The following NAV2 variants were observed in gnomAD, a reference collection of about 807,000 sequenced individuals.
The protein encoded by NAV2 is neuron navigator 2, also known as helicase, APC down-regulated 1.
NAV2 carries 54 observed loss-of-function variants against 223.2 expected under a neutral mutation model. The observed-to-expected ratio is 0.24, with a 90% CI of 0.19 to 0.30. The LOEUF (loss-of-function observed/expected upper bound fraction) is 0.30, where lower values mean the gene tolerates loss of function less well. Ranked by LOEUF, NAV2 falls within the 10% of genes least tolerant of loss-of-function variation. The probability of loss-of-function intolerance (pLI) is 1.00; values close to 1 mark genes in which losing one functional copy is unlikely to be tolerated. For synonymous variants in NAV2, 1,279 were observed against 1,239.3 expected (o/e 1.03, Z -0.67); for missense variants, 2,806 against 3,147.5 (o/e 0.89, Z 2.60).
At chr11:19,513,278 G>A (rs1000798854) in intron 1 of NAV2, among the ~76,000 whole-genome samples, 8 of 152,204 alleles carry the variant, frequency 5.3e-5, no homozygotes, top group African/African-American at 1.9e-4. Context: ...AAAAAGTTGA[G>A]ACCCACAGGT....
intron 4 of NAV2, among the ~76,000 whole-genome samples, chr11:19,871,202 CCAGGATATATAACTCTGTAGT>C (rs1375401595): frequency 6.6e-5 from 10 of 152,138 alleles, no homozygotes; most frequent in Admixed American, 5.9e-4. Context: ...GATATTTTGG[CCAGGATATATAACTCTGTAGT>C]CATCTTCAAG....
At chr11:19,785,441 A>G (rs962304600) in intron 1 of NAV2, among the ~76,000 whole-genome samples, 1 of 152,208 alleles carries the variant, frequency 6.6e-6, no homozygotes, top group African/African-American at 2.4e-5. Flanking sequence ...ATCTCCCATT[A>G]CCTGGTACTT....
intron 10 of NAV2, among the ~76,000 whole-genome samples, chr11:19,957,560 A>C (rs4757867): frequency 0.99 from 150,980 of 152,346 alleles, 74,830 homozygotes; most frequent in Middle Eastern, 1. Context: ...GGGGCAGCAT[A>C]AACTGAACAC....
At chr11:19,413,777 T>A (rs549669773) in intron 1 of NAV2, among the ~76,000 whole-genome samples, 66 of 152,318 alleles carry the variant, frequency 4.3e-4, no homozygotes, top group African/African-American at 1.5e-3. Flanking sequence ...TATTCAATAT[T>A]TTTAAAGAAA....
At chr11:19,869,805 G>A (rs2062359808) in intron 4 of NAV2, among the ~76,000 whole-genome samples, 2 of 152,232 alleles carry the variant, frequency 1.3e-5, no homozygotes, top group South Asian at 2.1e-4. Context: ...AGGCCTGTTA[G>A]CATGGACTCT....
intron 20 of NAV2, among the ~76,000 whole-genome samples, chr11:20,064,361 C>T (rs1159132029): frequency 6.6e-6 from 1 of 152,128 alleles, no homozygotes; most frequent in Non-Finnish European, 1.5e-5. Context: ...CTGTAGGCAC[C>T]AGAGGGACAT....
chr11:20,118,223 G>T lies in NAV2; in HGVS notation c.7255G>T (p.Asp2419Tyr). Residue 2419 changes from aspartate to tyrosine, a missense_variant, in exon 38 of 38, where the codon GAC becomes TAC. This residue lies in a region of NAV2 where 824 missense variants were observed against 1,069.4 expected (regional missense o/e 0.77). Coordinates refer to ENST00000349880, the MANE Select transcript of NAV2 (RefSeq NM_145117.5). ...CTCCAACAGCAACAGCCATCACGAT[G>T]ACATCTTGGACTCCTCTTTGGAGTC... ...SDSNSNSHHD[D>Y]ILDSSLESTL 1 of 1,614,070 alleles carries T rather than the reference G, an allele frequency of 6.2e-7. No individual in the cohort carries two copies. The highest frequency in any genetic ancestry group is 1.1e-5 in the South Asian group (1 of 91,070).
intron 1 of NAV2, among the ~76,000 whole-genome samples, chr11:19,527,041 C>T (rs928349198): frequency 3.3e-5 from 5 of 151,908 alleles, no homozygotes; most frequent in African/African-American, 1.2e-4. Flanking sequence ...AACCCTCCCA[C>T]CCCCACCATC....
intron 27 of NAV2, 90 bp downstream of exon 27, chr11:20,091,108 A>G (rs2060814280): frequency 7.2e-7 from 1 of 1,379,480 alleles, no homozygotes; most frequent in Non-Finnish European, 9.9e-7. Context: ...GGGCTGCATC[A>G]GAATCTGGTG....
rs550113003 is a variant in NAV2 at position 19,604,301 on chromosome 11, T to TG, written c.76-228176dup. Among the ~76,000 whole-genome samples the TG allele has an allele frequency of 1.4e-4, 21 of 152,086 alleles. No homozygotes were observed. The East Asian group carries it at 3.5e-3, about 25-fold the overall frequency. The stretch of plus-strand genomic sequence containing the variant: ...GATGAAAGTTGACAGTGGCTTGGAC[T>TG]GGGGGGGCATCGGTGGTGTGTTTAA... On this transcript the variant is annotated intron_variant, in intron 1 of 37. Coordinates refer to the NAV2 transcript ENST00000360655.
upstream of NAV2, among the ~76,000 whole-genome samples, chr11:19,708,758 A>G (rs1241651113): frequency 6.6e-6 from 1 of 152,128 alleles, no homozygotes; most frequent in Non-Finnish European, 1.5e-5. Context: ...CTTTGATAAT[A>G]CGTTTCAATT....
In NAV2 at chr11:20,103,372, ATCT is replaced by A; in HGVS notation, c.6538_6540del (p.Phe2180del). ...ACACCACGTGAGCTCTCTGGGAGAG[ATCT>A]TCAATGGGCTGCTCAACTGCAAGTA... On this transcript the variant is annotated inframe_deletion, in exon 33 of 38. Coordinates refer to ENST00000349880, the MANE Select transcript of NAV2 (RefSeq NM_145117.5). The A allele has an allele frequency of 6.2e-7, 1 of 1,614,140 alleles. No individual in the cohort carries two copies. Among genetic ancestry groups the A allele is most frequent in the African/African-American group, 1.3e-5 (1 of 75,036 alleles).
intron 1 of NAV2, among the ~76,000 whole-genome samples, chr11:19,362,234 C>G (rs1853993729): frequency 6.6e-6 from 1 of 152,188 alleles, no homozygotes; most frequent in Admixed American, 6.5e-5. Flanking sequence ...AAGTAGTAGA[C>G]CAGGTCTCGA....
intron 1 of NAV2, among the ~76,000 whole-genome samples, chr11:19,706,812 G>T (rs60535442): frequency 6.6e-6 from 1 of 152,316 alleles, no homozygotes; most frequent in African/African-American, 2.4e-5. Context: ...TCTGAGAAAT[G>T]AGTCTTTAGT....
intron 6 of NAV2, chr11:19,931,660 T>C (rs2045354169): frequency 1.3e-5 from 2 of 150,222 alleles, no homozygotes; most frequent in African/African-American, 2.4e-5. Context: ...CTGGAGTAGT[T>C]GTGGATGACA....
chr11:19,798,530 CTTG>C (rs1161527932), intron 1 of NAV2, among the ~76,000 whole-genome samples: 1 of 152,082 alleles, frequency 6.6e-6, no homozygotes, highest in African/African-American at 2.4e-5. Context: ...AGAAATGACA[CTTG>C]TTGTTGGAAG....
intron 1 of NAV2, among the ~76,000 whole-genome samples, chr11:19,757,799 T>C (rs193090674): frequency 4.6e-5 from 7 of 152,276 alleles, no homozygotes; most frequent in African/African-American, 1.4e-4. Context: ...AGAGATACTG[T>C]TATAATCTCT....
chr11:19,409,399 C>T (rs1850044154), intron 1 of NAV2, among the ~76,000 whole-genome samples: 2 of 152,234 alleles, frequency 1.3e-5, no homozygotes, highest in Non-Finnish European at 2.9e-5. Flanking sequence ...CACTCCCAGT[C>T]ACTCTCTAAG....
At chr11:19,630,895 C>T (rs1156609943) in intron 1 of NAV2, among the ~76,000 whole-genome samples, 3 of 121,466 alleles carry the variant, frequency 2.5e-5, no homozygotes, top group African/African-American at 9.8e-5. Flanking sequence ...CACACATACA[C>T]GCACCCCAAA....
Sources: allele counts gnomAD v4.1 joint callset (sites outside exome capture counted in the v4.1 genomes callset), GRCh38; gene constraint gnomAD v4.1.1; regional missense constraint gnomAD v4.1.1; transcripts MANE v1.5; gene names NCBI Gene and HGNC (gene_info 2026-07-23, HGNC 2026-07-21).